The following GHR variants were observed in gnomAD, a reference collection of about 807,000 sequenced individuals.
GHR encodes the protein GH receptor.
A neutral mutation model predicts 67.1 loss-of-function variants in GHR; 35 were observed. The observed-to-expected ratio is 0.52, with a 90% CI of 0.40 to 0.69. GHR has a LOEUF of 0.69. GHR is among the 30% of genes least tolerant of loss of function. The pLI, the probability that GHR is intolerant of heterozygous loss-of-function variation, is 0.00. For synonymous variants in GHR, 272 were observed against 269.1 expected (o/e 1.01, Z -0.10); for missense variants, 792 against 764.6 (o/e 1.04, Z -0.42).
intron 2 of GHR, among the ~76,000 whole-genome samples, chr5:42,615,271 A>G (rs537983363): frequency 6.6e-6 from 1 of 151,996 alleles, no homozygotes; most frequent in Non-Finnish European, 1.5e-5. Context: ...CCAGCGACCT[A>G]TACTTTCATT....
chr5:42,535,635 T>C (rs1167475273), intron 1 of GHR, among the ~76,000 whole-genome samples: 1 of 152,108 alleles, frequency 6.6e-6, no homozygotes, highest in Non-Finnish European at 1.5e-5. Flanking sequence ...GCTTTGGATA[T>C]GCAGGCTCTT....
At chr5:42,496,947 A>G (rs1446591366) in intron 1 of GHR, among the ~76,000 whole-genome samples, 1 of 152,188 alleles carries the variant, frequency 6.6e-6, no homozygotes, top group African/African-American at 2.4e-5. Context: ...GCATGTGAAT[A>G]AGAGAAAGCA....
At chr5:42,615,726 G>GAAA (rs1299880452) in intron 2 of GHR, among the ~76,000 whole-genome samples, 1 of 127,308 alleles carries the variant, frequency 7.9e-6, no homozygotes, top group Non-Finnish European at 1.6e-5. Context: ...TAGAAATTTG[G>GAAA]AAAAAAACAA....
At chr5:42,512,486 C>T (rs577067598) in intron 1 of GHR, among the ~76,000 whole-genome samples, 1 of 152,290 alleles carries the variant, frequency 6.6e-6, no homozygotes, top group Middle Eastern at 3.4e-3. Context: ...CGTCTTCTCA[C>T]TCCTTACCTT....
intron 3 of GHR, among the ~76,000 whole-genome samples, chr5:42,661,189 T>C (rs1162873869): frequency 6.6e-6 from 1 of 152,200 alleles, no homozygotes; most frequent in African/African-American, 2.4e-5. Context: ...TGCAGGATAT[T>C]ATCCAGGAGA....
rs1008054991 is a variant in GHR, at chr5:42,649,268, C to T, written c.136+20165C>T. Among the ~76,000 whole-genome samples the T allele has an allele frequency of 7.9e-5, 12 of 152,252 alleles. No homozygotes were observed. The East Asian group carries it at 2.3e-3, about 29-fold the overall frequency. ...TTTTGTGCTCAGCTCTAAAAATATG[C>T]AGTGTAGTGAGTCACTAATATTTCA... On this transcript the variant is annotated intron_variant, in intron 3 of 9. Coordinates refer to ENST00000230882, the MANE Select transcript of GHR (RefSeq NM_000163.5).
intron 1 of GHR, among the ~76,000 whole-genome samples, chr5:42,498,216 C>T (rs1246063087): frequency 6.6e-6 from 1 of 152,164 alleles, no homozygotes; most frequent in Non-Finnish European, 1.5e-5. Flanking sequence ...CTTGTTTACT[C>T]AGTTCAGGTC....
chr5:42,663,892 C>T lies in GHR; in HGVS notation c.137-24998C>T, dbSNP rs543741755. Among the ~76,000 whole-genome samples the T allele has an allele frequency of 5.3e-5, 8 of 152,290 alleles. 1 individual carries two copies. In the East Asian group the frequency reaches 1.5e-3, roughly 29 times the overall value. On this transcript the variant is annotated intron_variant, in intron 3 of 9. Coordinates refer to ENST00000230882, the MANE Select transcript of GHR (RefSeq NM_000163.5). The stretch of plus-strand genomic sequence containing the variant: ...TCCTTAAGCTGATAAACAACTTCAG[C>T]AAAGTCTCAGGATACAAAATCAATG...
chr5:42,700,070 A>G (rs1757862113), intron 6 of GHR, 68 bp downstream of exon 6: 2 of 957,758 alleles, frequency 2.1e-6, no homozygotes, highest in African/African-American at 1.6e-5. Flanking sequence ...CTCATTTATC[A>G]TTAGACTTTC....
chr5:42,525,001 C>T (rs778333763), intron 1 of GHR, among the ~76,000 whole-genome samples: 1 of 152,206 alleles, frequency 6.6e-6, no homozygotes, highest in Admixed American at 6.5e-5. Context: ...AGAGTTGGGG[C>T]CCTCATGGAG....
chr5:42,686,199 A>G (rs1308971014), intron 3 of GHR, among the ~76,000 whole-genome samples: 1 of 152,116 alleles, frequency 6.6e-6, no homozygotes, highest in Non-Finnish European at 1.5e-5. Context: ...TAAACAGGGA[A>G]TCCTTTCCCC....
chr5:42,609,429 T>C (rs983643200), intron 2 of GHR, among the ~76,000 whole-genome samples: 2 of 152,146 alleles, frequency 1.3e-5, no homozygotes, highest in Admixed American at 1.3e-4. Context: ...ACCTATTATA[T>C]GAATGATCAT....
rs74576819 is a variant in GHR at position 42,556,032 on chromosome 5, CT to C, written c.-11-9829del. Among the ~76,000 whole-genome samples the C allele has an allele frequency of 0.012, 1,844 of 152,206 alleles. 81 individuals carry two copies. The East Asian group carries it at 0.14, about 12-fold the overall frequency. On this transcript the variant is annotated intron_variant, in intron 1 of 9. Transcript: ENST00000230882. ...TTGCTGACTCCTCCTCTAGTAATGC[CT>C]TTCCTGGGAGATCACATTGCCTCAC...
intron 3 of GHR, among the ~76,000 whole-genome samples, chr5:42,671,518 G>T (rs1756297623): frequency 6.6e-6 from 1 of 151,314 alleles, no homozygotes; most frequent in Admixed American, 6.6e-5. Context: ...GGGATTCAAG[G>T]TTGGTTCAAC....
chr5:42,600,906 A>G (rs1364033464), intron 2 of GHR, among the ~76,000 whole-genome samples: 1 of 106,024 alleles, frequency 9.4e-6, no homozygotes, highest in South Asian at 2.9e-4. Context: ...ATTAAAATCT[A>G]TTCTTTCTAT....
intron 1 of GHR, among the ~76,000 whole-genome samples, chr5:42,455,731 A>C (rs143248722): frequency 1.3e-3 from 197 of 152,340 alleles, no homozygotes; most frequent in Middle Eastern, 3.4e-3. Flanking sequence ...AAAGGACTCC[A>C]GCATAAAACA....
At chr5:42,426,253 G>A (rs1316969359) in intron 1 of GHR, among the ~76,000 whole-genome samples, 3 of 152,208 alleles carry the variant, frequency 2.0e-5, no homozygotes, top group African/African-American at 7.2e-5. Context: ...AGTGCATGAA[G>A]CAAATCTTGC....
intron 2 of GHR, among the ~76,000 whole-genome samples, chr5:42,602,311 C>T (rs975081055): frequency 2.6e-5 from 4 of 152,074 alleles, no homozygotes; most frequent in Admixed American, 1.3e-4. Flanking sequence ...ATTTGAACTA[C>T]GTTTTCACAT....
At chr5:42,459,005 A>AGAAAAGGGAATGCTTATACACT (rs1424594002) in intron 1 of GHR, among the ~76,000 whole-genome samples, 4 of 152,188 alleles carry the variant, frequency 2.6e-5, no homozygotes, top group African/African-American at 7.2e-5. Context: ...GAGGTTGTAG[A>AGAAAAGGGAATGCTTATACACT]GAAAAGGGAA....
Sources: allele counts gnomAD v4.1 joint callset (sites outside exome capture counted in the v4.1 genomes callset), GRCh38; gene constraint gnomAD v4.1.1; transcripts MANE v1.5; gene names NCBI Gene and HGNC (gene_info 2026-07-23, HGNC 2026-07-21).